SLC22A17: variants seen among roughly 807,000 people sequenced by gnomAD.
SLC22A17 encodes solute carrier family 22 member 17.
SLC22A17 carries 38 observed loss-of-function variants against 53.6 expected under a neutral mutation model. The ratio of observed to expected loss-of-function variants is 0.71; its 90% CI spans 0.55 to 0.93. The LOEUF (loss-of-function observed/expected upper bound fraction) is 0.93, where lower values mean the gene tolerates loss of function less well. Among genes scored for constraint, SLC22A17 ranks in the 40% least tolerant of loss-of-function variants. The pLI is 0.00. For missense variants in SLC22A17, 704 were observed against 791.0 expected, an observed-to-expected ratio of 0.89 and a Z score of 1.32; for synonymous variants, 379 against 353.0, an observed-to-expected ratio of 1.07 and a Z score of -0.82.
Position 23,348,045 on chromosome 14 carries a change from G to T in SLC22A17, c.1172-49C>A, listed in dbSNP as rs1455929421. On this transcript the variant is annotated intron_variant, in intron 6 of 9. Coordinates refer to ENST00000397267, the Ensembl canonical transcript of SLC22A17. This position sits in a 1 kb window ranked among gnomAD's most constrained non-coding sequence, Gnocchi z 4.5. ...TCAGAAGAAAACCCTGAGATCCCAG[G>T]ATCCTCCCACATGGGTGGTGGGGAC... 1.9e-6 allele frequency: 3 copies of T among 1,611,710 alleles called. No homozygotes were observed. The highest frequency in any genetic ancestry group is 2.5e-6 in the Non-Finnish European group (3 of 1,178,232).
In SLC22A17 at chr14:23,352,161, C is replaced by T. The variant is rs1318671971; in HGVS notation, c.387G>A (p.Gly129=). ...AGCCAGAGGCATTAGGGGGGAAGGC[C>T]CCGTAGTGGCAATGCAGCGGGGGCG... Residue 129 remains glycine, a synonymous_variant, in exon 2 of 10, where the codon GGG becomes GGA. Coordinates refer to ENST00000397267, the Ensembl canonical transcript of SLC22A17. The surrounding 1 kb of genome is among the most constrained non-coding windows in gnomAD (Gnocchi z 7.2). 1 of 1,542,594 alleles carries T rather than the reference C, an allele frequency of 6.5e-7. No homozygotes were observed. Among genetic ancestry groups the T allele is most frequent in the Non-Finnish European group, 8.7e-7 (1 of 1,148,962 alleles).
chr14:23,351,747 C>G lies in SLC22A17; in HGVS notation c.704+5G>C. ...TACCAGCCCTGCCCCCACGACAGCC[C>G]TCACCTGTCTGCGGGGTAACCCAGG... On this transcript the variant is annotated splice_donor_5th_base_variant and intron_variant, in intron 3 of 9. Transcript: ENST00000397267. The G allele has an allele frequency of 6.2e-7, 1 of 1,611,978 alleles. No individual in the cohort carries two copies.
Position 23,352,320 on chromosome 14 carries a change from G to A in SLC22A17, c.228C>T (p.Gly76=), listed in dbSNP as rs1889693539. Residue 76 remains glycine (G), a synonymous_variant, in exon 2 of 10, where the codon GGC becomes GGT. Transcript: ENST00000397267. The surrounding 1 kb of genome is among the most constrained non-coding windows in gnomAD (Gnocchi z 7.2). Reference sequence around the variant, plus strand: ...CGAGCAGCGCCTCAAAGCTGAGGGGGCCTGGGGGCACGGCCAGCGACAGGC... The same window carrying A: ...CGAGCAGCGCCTCAAAGCTGAGGGGACCTGGGGGCACGGCCAGCGACAGGC... 2.3e-6 allele frequency: 3 copies of A among 1,293,314 alleles called. No homozygotes were observed. Among genetic ancestry groups the A allele is most frequent in the Non-Finnish European group, 3.0e-6 (3 of 993,622 alleles). The allele number at this position is 1,293,314 out of a possible 1,614,324, so 80.1% of individuals were successfully genotyped here.
intron 3 of SLC22A17, chr14:23,349,671 T>A: frequency 3.5e-6 from 2 of 565,484 alleles, no homozygotes; most frequent in East Asian, 3.0e-5. Flanking sequence ...GGGCTATTGG[T>A]CAGAGATTAG....
At chr14:23,351,646 A>G in intron 3 of SLC22A17, 106 bp downstream of exon 3, 1 of 837,116 alleles carries the variant, frequency 1.2e-6, no homozygotes, top group South Asian at 1.6e-5. Flanking sequence ...AGAAGACTGC[A>G]GAGTCCAGCG....
Position 23,347,906 on chromosome 14 carries a change from A to G in SLC22A17, c.1262T>C (p.Ile421Thr). The G allele has an allele frequency of 6.2e-7, 1 of 1,614,186 alleles. No homozygotes were observed. The change falls in exon 7 of 10, where the codon ATC (isoleucine) becomes ACC (threonine). Residue 421 changes from isoleucine to threonine, a missense_variant. By Grantham distance (89) the Ile-to-Thr change is moderately conservative. This residue lies in a region of SLC22A17 where 435 missense variants were observed against 529.0 expected (regional missense o/e 0.82). Transcript: ENST00000397267. This position sits in a 1 kb window ranked among gnomAD's most constrained non-coding sequence, Gnocchi z 5.1. ...CCAGGCTCACTTGGTGAAGCCCAGGATAAGCAGATTTTTCCAGATGTTGCG... is the reference window on the plus strand; with the variant it reads ...CCAGGCTCACTTGGTGAAGCCCAGGGTAAGCAGATTTTTCCAGATGTTGCG...
rs766207590 is a variant in SLC22A17 at position 23,352,079 on chromosome 14, T to C, written c.469A>G (p.Ser157Gly). ...CTGGTGGCGACACGGCTGGCGGCGC[T>C]GGCTGCTAGGGCAGCGCTGGCGACG... Residue 157 changes from serine to glycine, a missense_variant, in exon 2 of 10, where the codon AGC becomes GGC. Ser to Gly is a moderately conservative substitution (Grantham distance 56). This residue lies in a region of SLC22A17 where 435 missense variants were observed against 529.0 expected (regional missense o/e 0.82). Coordinates refer to ENST00000397267, the Ensembl canonical transcript of SLC22A17. The surrounding 1 kb of genome is among the most constrained non-coding windows in gnomAD (Gnocchi z 7.2). The C allele has an allele frequency of 6.3e-7, 1 of 1,597,058 alleles. No individual in the cohort carries two copies. The highest frequency in any genetic ancestry group is 1.8e-5 in the Admixed American group (1 of 56,210).
chr14:23,348,652 T>C lies in SLC22A17; in HGVS notation c.879A>G (p.Pro293=), dbSNP rs1320571825. 2 of 1,612,302 alleles carry C rather than the reference T, an allele frequency of 1.2e-6. No individual in the cohort carries two copies. Among genetic ancestry groups the C allele is most frequent in the African/African-American group, 2.7e-5 (2 of 74,778 alleles). ...CCAGGGCCACCCGAAGCCTCTGGGT[T>C]GGGTCGCACAGCTCCAGGCCTGGAG... Residue 293 remains proline (P), a synonymous_variant, in exon 5 of 10, where the codon CCA becomes CCG. Coordinates refer to ENST00000397267, the Ensembl canonical transcript of SLC22A17. The surrounding 1 kb of genome is among the most constrained non-coding windows in gnomAD (Gnocchi z 4.5).
rs1016502800 is a variant in SLC22A17 at position 23,348,449 on chromosome 14, G to A, written c.1025+57C>T. 7 of 1,594,662 alleles carry A rather than the reference G, an allele frequency of 4.4e-6. No individual in the cohort carries two copies. Among genetic ancestry groups the A allele is most frequent in the African/African-American group, 4.0e-5 (3 of 74,662 alleles). Reference sequence around the variant, plus strand: ...GAAGAGGAGGGGTCTCCGGGCTAGGGCTAGTTTGGAGGCAGAGATGGGAAT... The same window carrying A: ...GAAGAGGAGGGGTCTCCGGGCTAGGACTAGTTTGGAGGCAGAGATGGGAAT... On this transcript the variant is annotated intron_variant, in intron 5 of 9. Coordinates refer to ENST00000397267, the Ensembl canonical transcript of SLC22A17. The surrounding 1 kb of genome is among the most constrained non-coding windows in gnomAD (Gnocchi z 4.5).
chr14:23,349,755 T>A, intron 3 of SLC22A17: 1 of 357,892 alleles, frequency 2.8e-6, no homozygotes, highest in South Asian at 3.5e-5. Flanking sequence ...GGACCATTCA[T>A]CCTTAGGAAC....
rs72542465 is a variant in SLC22A17 at position 23,352,721 on chromosome 14, G to T, written c.21C>A (p.Thr7=). ...CCCCGCCATTGGGCTCGGGGGTCCC[G>T]GTGGCCACCCGGGGAGCCAGCTTGC... Residue 7 remains threonine (T), a synonymous_variant, in exon 1 of 10, where the codon ACC becomes ACA. Transcript: ENST00000397267. This position sits in a 1 kb window ranked among gnomAD's most constrained non-coding sequence, Gnocchi z 7.2. 9 of 399,060 alleles carry T rather than the reference G, an allele frequency of 2.3e-5. No homozygotes were observed. In the South Asian group the frequency reaches 1.0e-3, roughly 45 times the overall value. The allele number at this position is 399,060 out of a possible 1,614,324, so 24.7% of individuals were successfully genotyped here.
At position 23,347,909 on chromosome 14, in the gene SLC22A17, A is replaced by G. The variant is rs759007699; in HGVS notation, c.1259T>C (p.Leu420Pro). 10 of 1,614,086 alleles carry G rather than the reference A, an allele frequency of 6.2e-6. No homozygotes were observed. The Admixed American group carries it at 1.7e-4, about 27-fold the overall frequency. Residue 420 changes from leucine to proline, a missense_variant, in exon 7 of 10, where the codon CTT (leucine) becomes CCT (proline). Physicochemically the swap from Leu to Pro is moderately conservative, Grantham distance 98 (BLOSUM62 -3). This residue lies in a region of SLC22A17 where 435 missense variants were observed against 529.0 expected (regional missense o/e 0.82). Coordinates refer to ENST00000397267, the Ensembl canonical transcript of SLC22A17. This position sits in a 1 kb window ranked among gnomAD's most constrained non-coding sequence, Gnocchi z 5.1. ...GGCTCACTTGGTGAAGCCCAGGATAAGCAGATTTTTCCAGATGTTGCGGTA... is the reference window on the plus strand; with the variant it reads ...GGCTCACTTGGTGAAGCCCAGGATAGGCAGATTTTTCCAGATGTTGCGGTA...
chr14:23,348,160 C>T lies in SLC22A17; in HGVS notation c.1171+1G>A. On this transcript the variant is annotated splice_donor_variant, in intron 6 of 9. Transcript: ENST00000397267. LOFTEE classifies it high-confidence loss of function. This position sits in a 1 kb window ranked among gnomAD's most constrained non-coding sequence, Gnocchi z 4.5. ...CACTCACAGGGATCCCTGTCTCTTACCCTGCAGGGCCTCCTGGGCCTCCTC... is the reference window on the plus strand; with the variant it reads ...CACTCACAGGGATCCCTGTCTCTTATCCTGCAGGGCCTCCTGGGCCTCCTC... 6.2e-7 allele frequency: 1 copy of T among 1,613,954 alleles called. No individual in the cohort carries two copies. The highest frequency in any genetic ancestry group is 8.5e-7 in the Non-Finnish European group (1 of 1,179,932).
exon 10 of SLC22A17, chr14:23,346,890 G>T: frequency 1.3e-6 from 2 of 1,539,004 alleles, no homozygotes; most frequent in Non-Finnish European, 1.7e-6. Context: ...GGGCCGCTCA[G>T]TCCTCCAAGC....
rs1889367186 is a variant in SLC22A17, at chr14:23,348,285, C to T, written c.1047G>A (p.Glu349=). The T allele has an allele frequency of 9.9e-6, 16 of 1,614,130 alleles. No individual in the cohort carries two copies. The East Asian group carries it at 3.6e-4, about 36-fold the overall frequency. ...GCTTCACTATCAGCCACCGTGCGGA[C>T]TCCAGGAACAAACCAGGCCAGCTGG... The change falls in exon 6 of 10, where the codon GAG becomes GAA. Residue 349 remains glutamate (E), a synonymous_variant. Transcript: ENST00000397267. This position sits in a 1 kb window ranked among gnomAD's most constrained non-coding sequence, Gnocchi z 4.5.
exon 10 of SLC22A17, chr14:23,346,583 T>C (rs1889191926): frequency 3.5e-6 from 5 of 1,428,168 alleles, no homozygotes; most frequent in Non-Finnish European, 3.7e-6. Context: ...CCCTACTCAG[T>C]CTTCCCGATC....
At chr14:23,349,885 G>T in intron 3 of SLC22A17, 1 of 176,080 alleles carries the variant, frequency 5.7e-6, no homozygotes, top group Non-Finnish European at 1.2e-5. Context: ...GAGGCCATTG[G>T]CCACTTGTGC....
chr14:23,348,189 C>T lies in SLC22A17; in HGVS notation c.1143G>A (p.Leu381=), dbSNP rs144296432. The stretch of plus-strand genomic sequence containing the variant: ...GCAGGGCCTCCTGGGCCTCCTCCCC[C>T]AGCATCTGCCCATGGGGCCGGTTTC... Residue 381 remains leucine, a synonymous_variant, in exon 6 of 10, where the codon CTG becomes CTA. Coordinates refer to ENST00000397267, the Ensembl canonical transcript of SLC22A17. The surrounding 1 kb of genome is among the most constrained non-coding windows in gnomAD (Gnocchi z 4.5). 76 of 1,614,016 alleles carry T rather than the reference C, an allele frequency of 4.7e-5. No homozygotes were observed. In the Admixed American group the frequency reaches 1.2e-3, roughly 25 times the overall value.
intron 4 of SLC22A17, 37 bp downstream of exon 4, chr14:23,349,235 G>A (rs1889460103): frequency 6.2e-7 from 1 of 1,613,702 alleles, no homozygotes; most frequent in Non-Finnish European, 8.5e-7. Context: ...GTAGGCATGA[G>A]ACCCAAGGGA....
Sources: gnomAD v4.1 joint callset for allele counts on GRCh38, gnomAD v4.1.1 for gene constraint, gnomAD v4.1.1 regional missense constraint, Gnocchi (gnomAD v3.1) non-coding constraint, MANE v1.5 for transcripts, NCBI Gene and HGNC (gene_info 2026-07-23, HGNC 2026-07-21) for gene names.